The following DPYD variants were observed in gnomAD, a reference collection of about 807,000 sequenced individuals.
DPYD encodes dihydropyrimidine dehydrogenase [NADP(+)].
Under a neutral mutation model 116.2 loss-of-function variants are expected in DPYD, and 109 were observed. The observed-to-expected ratio is 0.94, with a 90% CI of 0.80 to 1.10. DPYD has a LOEUF of 1.10. Ranked by LOEUF, DPYD falls within the 50% of genes least tolerant of loss-of-function variation. The pLI is 0.00. For missense variants in DPYD, 1,302 were observed against 1,254.5 expected (o/e 1.04, Z -0.57); for synonymous variants, 440 against 432.0 (o/e 1.02, Z -0.23).
intron 20 of DPYD, among the ~76,000 whole-genome samples, chr1:97,134,007 AAAAAAAAATATATAT>A (rs1241712637): frequency 8.8e-4 from 39 of 44,124 alleles, no homozygotes; most frequent in Admixed American, 2.7e-3. Flanking sequence ...TCAAAAAAAA[AAAAAAAAATATATAT>A]ATATATATAT....
At chr1:97,440,786 TACAA>T (rs1439210492) in intron 14 of DPYD, among the ~76,000 whole-genome samples, 39 of 152,256 alleles carry the variant, frequency 2.6e-4, no homozygotes, top group African/African-American at 7.2e-4. Flanking sequence ...CCCATGTAGT[TACAA>T]TTCTGGTGGT....
At chr1:97,681,994 G>A (rs1660451197) in intron 7 of DPYD, among the ~76,000 whole-genome samples, 2 of 152,098 alleles carry the variant, frequency 1.3e-5, no homozygotes, top group East Asian at 3.9e-4. Context: ...TTTTGAGGTG[G>A]GTATTTGTGG....
chr1:97,629,682 C>CA (rs200410351), intron 8 of DPYD, among the ~76,000 whole-genome samples: 3,890 of 149,114 alleles, frequency 0.026, 63 homozygotes, highest in African/African-American at 0.03. Context: ...TCTCCAAAAA[C>CA]AAAAAAAAAC....
intron 21 of DPYD, among the ~76,000 whole-genome samples, chr1:97,092,273 T>C (rs1293647661): frequency 2.6e-5 from 4 of 152,176 alleles, no homozygotes; most frequent in Non-Finnish European, 4.4e-5. Context: ...TACCGGAACA[T>C]AGTGGTTGCA....
intron 18 of DPYD, among the ~76,000 whole-genome samples, chr1:97,261,753 C>T (rs1022470363): frequency 6.6e-6 from 1 of 151,866 alleles, no homozygotes; most frequent in African/African-American, 2.4e-5. Context: ...CTCATAATAG[C>T]TCTATGAAGT....
intron 13 of DPYD, among the ~76,000 whole-genome samples, chr1:97,488,331 C>T (rs535749210): frequency 1.6e-4 from 24 of 152,180 alleles, no homozygotes; most frequent in African/African-American, 5.3e-4. Flanking sequence ...GTGAGGGTTG[C>T]TTGTGATGAT....
intron 18 of DPYD, among the ~76,000 whole-genome samples, chr1:97,270,497 A>G (rs1170163830): frequency 6.6e-6 from 1 of 152,184 alleles, no homozygotes; most frequent in Admixed American, 6.6e-5. Flanking sequence ...CCCCATTCAT[A>G]TGGACCTGTG....
intron 8 of DPYD, among the ~76,000 whole-genome samples, chr1:97,599,887 A>G (rs982792093): frequency 1.4e-5 from 2 of 148,028 alleles, no homozygotes; most frequent in Admixed American, 6.7e-5. Context: ...AAAAAAAAAA[A>G]AAAAAAAAAT....
intron 14 of DPYD, among the ~76,000 whole-genome samples, chr1:97,440,358 G>T (rs1057276125): frequency 2.1e-4 from 31 of 151,168 alleles, no homozygotes; most frequent in African/African-American, 7.3e-4. Context: ...TTAATGGTTA[G>T]GTTTAACTCT....
intron 13 of DPYD, among the ~76,000 whole-genome samples, chr1:97,462,807 T>C (rs1042334323): frequency 1.3e-5 from 2 of 152,204 alleles, no homozygotes; most frequent in Admixed American, 6.5e-5. Context: ...CTTTTCCAGG[T>C]CTTTTCCCTG....
rs1651726184 is a variant in DPYD at position 97,556,477 on chromosome 1, G to A, written c.1340-6733C>T. 2.1e-5 allele frequency among the ~76,000 whole-genome samples: 3 copies of A among 143,358 alleles called. No individual in the cohort carries two copies. The South Asian group carries it at 7.0e-4, about 33-fold the overall frequency. 94.0% of individuals were successfully genotyped at this position (143,358 alleles called of 152,430 possible). On this transcript the variant is annotated intron_variant, in intron 11 of 22. Coordinates refer to ENST00000370192, the MANE Select transcript of DPYD (RefSeq NM_000110.4). ...CCACTAACTCGTCATCTAGCATTAG[G>A]TATATCTCCCAATGCTATCCCTCCC...
chr1:97,290,139 G>T (rs1276074806), intron 18 of DPYD, among the ~76,000 whole-genome samples: 1 of 152,174 alleles, frequency 6.6e-6, no homozygotes, highest in Non-Finnish European at 1.5e-5. Flanking sequence ...CAAGGGACGT[G>T]AAGGACCTCT....
At chr1:97,249,826 G>T (rs542566240) in intron 18 of DPYD, among the ~76,000 whole-genome samples, 1 of 152,268 alleles carries the variant, frequency 6.6e-6, no homozygotes, top group South Asian at 2.1e-4. Context: ...ATAAAAAAGT[G>T]TTCCACATCA....
intron 18 of DPYD, among the ~76,000 whole-genome samples, chr1:97,257,616 AT>A (rs1216636176): frequency 6.6e-6 from 1 of 151,694 alleles, no homozygotes; most frequent in Non-Finnish European, 1.5e-5. Flanking sequence ...CTTCCCAGCT[AT>A]TTTTTCAATT....
chr1:97,883,856 A>C (rs763541299), intron 1 of DPYD: 1 of 476,744 alleles, frequency 2.1e-6, no homozygotes, highest in South Asian at 1.6e-5. Flanking sequence ...GATACATGTA[A>C]ATCAGAAGAA....
chr1:97,315,889 C>T (rs1667801204), intron 16 of DPYD, among the ~76,000 whole-genome samples: 1 of 152,028 alleles, frequency 6.6e-6, no homozygotes, highest in Admixed American at 6.6e-5. Context: ...TAGAAAAAGA[C>T]TGCTTTTAGG....
intron 8 of DPYD, among the ~76,000 whole-genome samples, chr1:97,644,590 A>G (rs1658138452): frequency 6.7e-6 from 1 of 149,906 alleles, no homozygotes; most frequent in African/African-American, 2.4e-5. Flanking sequence ...CACCACACAC[A>G]GCTAGCTTGT....
chr1:97,849,822 C>G (rs1180197843), intron 2 of DPYD, among the ~76,000 whole-genome samples: 1 of 152,120 alleles, frequency 6.6e-6, no homozygotes, highest in Non-Finnish European at 1.5e-5. Context: ...GGAAACAATA[C>G]TGGCCAATAT....
intron 3 of DPYD, among the ~76,000 whole-genome samples, chr1:97,826,854 A>G (rs1321592618): frequency 6.6e-6 from 1 of 152,062 alleles, no homozygotes; most frequent in East Asian, 1.9e-4. Flanking sequence ...TAGTAAAGAC[A>G]TTAACAATAA....
Sources: gnomAD v4.1 joint callset for allele counts (sites outside exome capture counted in the v4.1 genomes callset) on GRCh38, gnomAD v4.1.1 for gene constraint, MANE v1.5 for transcripts, NCBI Gene and HGNC (gene_info 2026-07-23, HGNC 2026-07-21) for gene names.